SEPTIN7: variants seen among roughly 807,000 people sequenced by gnomAD.
The protein encoded by SEPTIN7 is septin-7.
In SEPTIN7, 10 loss-of-function variants were observed where a neutral mutation model predicts 63.3. The observed-to-expected ratio is 0.16, with a 90% CI of 0.10 to 0.27. The LOEUF (loss-of-function observed/expected upper bound fraction) is 0.27, where lower values mean the gene tolerates loss of function less well. Ranked by LOEUF, SEPTIN7 falls within the 10% of genes least tolerant of loss-of-function variation. SEPTIN7 has a pLI of 1.00. For missense variants in SEPTIN7, 310 were observed against 521.0 expected, an observed-to-expected ratio of 0.59 and a Z score of 3.94; for synonymous variants, 131 against 165.3, an observed-to-expected ratio of 0.79 and a Z score of 1.59.
intron 3 of SEPTIN7, among the ~76,000 whole-genome samples, chr7:35,859,979 A>C (rs1421632145): frequency 6.6e-6 from 1 of 152,132 alleles, no homozygotes; most frequent in African/African-American, 2.4e-5. Flanking sequence ...TTACATATAA[A>C]TACTTATAAG....
At chr7:35,816,693 A>G (rs1187620506) in intron 1 of SEPTIN7, among the ~76,000 whole-genome samples, 1 of 152,176 alleles carries the variant, frequency 6.6e-6, no homozygotes, top group Non-Finnish European at 1.5e-5. Context: ...CATTTCTACC[A>G]GCAGTGTATG....
At chr7:35,848,857 G>A (rs571450947) in intron 3 of SEPTIN7, among the ~76,000 whole-genome samples, 46 of 152,176 alleles carry the variant, frequency 3.0e-4, no homozygotes, top group Non-Finnish European at 4.1e-4. Context: ...TATAAAGAAT[G>A]CTTCTATTTC....
intron 1 of SEPTIN7, among the ~76,000 whole-genome samples, chr7:35,827,639 C>T (rs1224628375): frequency 4.6e-5 from 7 of 151,910 alleles, no homozygotes; most frequent in Non-Finnish European, 2.9e-5. Flanking sequence ...TACAGGTGTG[C>T]GCCACTATGC....
intron 3 of SEPTIN7, among the ~76,000 whole-genome samples, chr7:35,852,905 CTAT>C (rs760877278): frequency 1.4e-4 from 21 of 152,146 alleles, no homozygotes; most frequent in Middle Eastern, 3.4e-3. Flanking sequence ...GGACGTAGAT[CTAT>C]TATTGTATCT....
At chr7:35,816,608 G>T (rs1296300273) in intron 1 of SEPTIN7, among the ~76,000 whole-genome samples, 1 of 152,146 alleles carries the variant, frequency 6.6e-6, no homozygotes, top group Non-Finnish European at 1.5e-5. Flanking sequence ...TAGAATTACT[G>T]CATCATAGTG....
At chr7:35,835,097 T>A (rs1784016591) in intron 3 of SEPTIN7, among the ~76,000 whole-genome samples, 1 of 152,176 alleles carries the variant, frequency 6.6e-6, no homozygotes, top group Non-Finnish European at 1.5e-5. Flanking sequence ...TATTCCCATA[T>A]TTTCTGTCTT....
intron 3 of SEPTIN7, among the ~76,000 whole-genome samples, chr7:35,834,019 A>G (rs1783958882): frequency 6.6e-6 from 1 of 152,026 alleles, no homozygotes; most frequent in Non-Finnish European, 1.5e-5. Context: ...CTTGTTGAGT[A>G]GAAGTATGGT....
chr7:35,850,128 G>T (rs1334401127), intron 3 of SEPTIN7, among the ~76,000 whole-genome samples: 1 of 152,104 alleles, frequency 6.6e-6, no homozygotes, highest in Non-Finnish European at 1.5e-5. Flanking sequence ...CTGGGCTTTG[G>T]GTCTAGGATG....
At chr7:35,820,015 C>T (rs1293690669) in intron 1 of SEPTIN7, among the ~76,000 whole-genome samples, 2 of 151,118 alleles carry the variant, frequency 1.3e-5, no homozygotes, top group African/African-American at 4.9e-5. Context: ...GTCTCACTCT[C>T]ACTCAGGCTG....
intron 1 of SEPTIN7, among the ~76,000 whole-genome samples, chr7:35,801,899 C>G (rs1719434059): frequency 1.3e-5 from 2 of 152,138 alleles, no homozygotes; most frequent in Admixed American, 1.3e-4. Context: ...CTCCTCCTCC[C>G]GCCTCTCGGG....
chr7:35,877,216 T>C (rs1217288258), intron 6 of SEPTIN7, among the ~76,000 whole-genome samples: 1 of 152,194 alleles, frequency 6.6e-6, no homozygotes, highest in South Asian at 2.1e-4. Flanking sequence ...CACACACTTT[T>C]TTCGTTGTGC....
chr7:35,886,079 A>G (rs1311891045), intron 10 of SEPTIN7, among the ~76,000 whole-genome samples, 200 bp downstream of exon 10: 1 of 152,244 alleles, frequency 6.6e-6, no homozygotes, highest in East Asian at 1.9e-4. Context: ...TAATTTGTCT[A>G]GGGATACATA....
In SEPTIN7 at chr7:35,801,116, A is replaced by G. The variant is rs1453326837; in HGVS notation, c.-94A>G. ...TGTAGCGTGCGTAAGCAAGGCAGCT[A>G]CGCCGGGCGGCTACGCTGCGGAATC... is the stretch of plus-strand genomic sequence containing the variant. On this transcript the variant is annotated 5_prime_UTR_variant, in exon 1 of 14. Coordinates refer to ENST00000350320, the MANE Select transcript of SEPTIN7 (RefSeq NM_001788.6). The G allele has an allele frequency of 2.3e-5, 24 of 1,048,360 alleles. No individual in the cohort carries two copies. The highest frequency in any genetic ancestry group is 3.4e-5 in the African/African-American group (2 of 58,992). The allele number at this position is 1,048,360 out of a possible 1,614,324, so 64.9% of individuals were successfully genotyped here. A position where few individuals can be genotyped will look rare whatever the true frequency, so the allele number is the denominator to read the frequency against.
chr7:35,826,221 C>A (rs1336762821), intron 1 of SEPTIN7, among the ~76,000 whole-genome samples: 3 of 151,874 alleles, frequency 2.0e-5, no homozygotes, highest in African/African-American at 7.2e-5. Flanking sequence ...AGACACATAT[C>A]TGTGTATGAT....
intron 1 of SEPTIN7, among the ~76,000 whole-genome samples, chr7:35,826,313 T>C (rs1783511433): frequency 6.6e-6 from 1 of 151,336 alleles, no homozygotes; most frequent in Non-Finnish European, 1.5e-5. Flanking sequence ...TCTGTGGTTG[T>C]TTTTCATATT....
chr7:35,823,477 A>G (rs1349064578), intron 1 of SEPTIN7, among the ~76,000 whole-genome samples: 1 of 152,224 alleles, frequency 6.6e-6, no homozygotes, highest in Non-Finnish European at 1.5e-5. Context: ...CTGGGATTAC[A>G]GGCATGAGCC....
intron 11 of SEPTIN7, among the ~76,000 whole-genome samples, chr7:35,892,949 G>T (rs972735211): frequency 6.6e-6 from 1 of 152,130 alleles, no homozygotes; most frequent in Non-Finnish European, 1.5e-5. Context: ...CTACTTCATT[G>T]AATAACGCAT....
chr7:35,914,978 A>C, the SEPTIN7 span, among the ~76,000 whole-genome samples: 4 of 151,864 alleles, frequency 2.6e-5, no homozygotes, highest in African/African-American at 9.7e-5. Context: ...TTATGTACAC[A>C]TATGCATGCG....
intron 5 of SEPTIN7, 97 bp downstream of exon 5, chr7:35,872,863 A>G: frequency 1.3e-6 from 1 of 785,542 alleles, no homozygotes; most frequent in South Asian, 1.6e-5. Flanking sequence ...TCATCTTAGC[A>G]AAGGTCACCA....
Sources: allele counts gnomAD v4.1 joint callset (sites outside exome capture counted in the v4.1 genomes callset), GRCh38; gene constraint gnomAD v4.1.1; transcripts MANE v1.5; gene names NCBI Gene and HGNC (gene_info 2026-07-23, HGNC 2026-07-21).